The following RIMS1 variants were observed in gnomAD, a reference collection of about 807,000 sequenced individuals.
RIMS1 encodes regulating synaptic membrane exocytosis 1.
In RIMS1, 83 loss-of-function variants were observed where a neutral mutation model predicts 214.1. That is an observed-to-expected ratio of 0.39 (90% CI 0.32 to 0.47). RIMS1 has a LOEUF of 0.47. RIMS1 is among the 20% of genes least tolerant of loss of function. The pLI, the probability that RIMS1 is intolerant of heterozygous loss-of-function variation, is 0.99. For synonymous variants in RIMS1, 793 were observed against 786.8 expected, an observed-to-expected ratio of 1.01 and a Z score of -0.13; for missense variants, 2,050 against 2,161.8, an observed-to-expected ratio of 0.95 and a Z score of 1.03.
At chr6:72,066,056 G>T (rs1829221315) in intron 2 of RIMS1, among the ~76,000 whole-genome samples, 1 of 152,008 alleles carries the variant, frequency 6.6e-6, no homozygotes, top group Admixed American at 6.6e-5. Context: ...AGGGGTAGTT[G>T]TATATATGCA....
intron 1 of RIMS1, among the ~76,000 whole-genome samples, chr6:71,964,830 G>A (rs1401040951): frequency 6.6e-6 from 1 of 152,112 alleles, no homozygotes; most frequent in Non-Finnish European, 1.5e-5. Flanking sequence ...CATGTATTTG[G>A]GGTACTTTAT....
intron 24 of RIMS1, among the ~76,000 whole-genome samples, chr6:72,285,100 A>G (rs2154229279): frequency 6.6e-6 from 1 of 152,244 alleles, no homozygotes; most frequent in South Asian, 2.1e-4. Context: ...AATTGGAGAA[A>G]TTCTGAGAGG....
rs747035590 is a variant in RIMS1, at chr6:72,284,121, AGGCTT to A, written c.3554+6_3554+10del. The A allele has an allele frequency of 2.5e-6, 4 of 1,612,282 alleles. No homozygotes were observed. In the East Asian group the frequency reaches 8.9e-5, roughly 36 times the overall value. The stretch of plus-strand genomic sequence containing the variant: ...GGCACTGCCTCTGATGCAGAAAGGT[AGGCTT>A]GGTGTTGTGGTGTGCTGACATCTTC... On this transcript the variant is annotated splice_donor_5th_base_variant and intron_variant, in intron 24 of 33. Coordinates refer to ENST00000521978, the MANE Select transcript of RIMS1 (RefSeq NM_014989.7).
intron 2 of RIMS1, among the ~76,000 whole-genome samples, chr6:72,080,300 G>A (rs995792149): frequency 2.0e-5 from 3 of 151,840 alleles, no homozygotes; most frequent in African/African-American, 7.3e-5. Flanking sequence ...GTACATAACA[G>A]TCATGAACAT....
intron 1 of RIMS1, among the ~76,000 whole-genome samples, chr6:71,903,586 T>G (rs1582193512): frequency 6.6e-6 from 1 of 152,086 alleles, no homozygotes; most frequent in Non-Finnish European, 1.5e-5. Flanking sequence ...ATGGGAGGAA[T>G]TTTTTGCAAC....
intron 1 of RIMS1, among the ~76,000 whole-genome samples, chr6:71,965,726 G>C (rs752924600): frequency 6.6e-6 from 1 of 151,962 alleles, no homozygotes; most frequent in Non-Finnish European, 1.5e-5. Flanking sequence ...GAAGACTGTC[G>C]AAGAGCCCCA....
At chr6:72,053,169 A>G (rs1255403502) in intron 2 of RIMS1, among the ~76,000 whole-genome samples, 2 of 152,190 alleles carry the variant, frequency 1.3e-5, no homozygotes, top group Admixed American at 6.6e-5. Flanking sequence ...AAGTGTCCCC[A>G]GTCCCTATGT....
At chr6:71,907,873 A>T (rs972280248) in intron 1 of RIMS1, among the ~76,000 whole-genome samples, 4 of 152,194 alleles carry the variant, frequency 2.6e-5, no homozygotes, top group Non-Finnish European at 5.9e-5. Context: ...CTAAAAGATA[A>T]AATCCTACCA....
intron 6 of RIMS1, among the ~76,000 whole-genome samples, chr6:72,207,925 G>C (rs1183498952): frequency 6.6e-6 from 1 of 152,146 alleles, no homozygotes; most frequent in Non-Finnish European, 1.5e-5. Context: ...AATTAGATCT[G>C]TAAGTATGTG....
chr6:71,918,130 C>T (rs1778968640), intron 1 of RIMS1, among the ~76,000 whole-genome samples: 1 of 151,850 alleles, frequency 6.6e-6, no homozygotes, highest in East Asian at 1.9e-4. Context: ...TTTAGGAAGC[C>T]ACGGAACTTG....
intron 29 of RIMS1, among the ~76,000 whole-genome samples, chr6:72,367,525 G>A (rs960855585): frequency 5.3e-5 from 8 of 152,112 alleles, no homozygotes; most frequent in African/African-American, 1.9e-4. Context: ...TTCAAAAATA[G>A]ATTTATTTTG....
intron 28 of RIMS1, among the ~76,000 whole-genome samples, chr6:72,323,602 A>C (rs992407160): frequency 6.6e-6 from 1 of 151,914 alleles, no homozygotes; most frequent in African/African-American, 2.4e-5. Flanking sequence ...ATGATGAAAA[A>C]TTCTAATGTA....
intron 1 of RIMS1, among the ~76,000 whole-genome samples, chr6:71,936,349 A>G (rs1046543059): frequency 2.0e-5 from 3 of 150,330 alleles, no homozygotes; most frequent in African/African-American, 4.9e-5. Context: ...AAAAAAAAAA[A>G]AAAGAAAAGA....
intron 1 of RIMS1, among the ~76,000 whole-genome samples, chr6:71,908,183 A>G (rs537215979): frequency 2.0e-5 from 3 of 152,266 alleles, no homozygotes; most frequent in African/African-American, 7.2e-5. Context: ...GGAAGAATTG[A>G]TGGCTAACTT....
chr6:72,100,067 G>A (rs2033151296), intron 4 of RIMS1, 81 bp downstream of exon 4: 1 of 1,075,376 alleles, frequency 9.3e-7, no homozygotes, highest in Middle Eastern at 2.3e-4. Flanking sequence ...ACCTAGTATT[G>A]TTAATAACTA....
intron 1 of RIMS1, among the ~76,000 whole-genome samples, chr6:71,904,561 C>G (rs1163915196): frequency 6.6e-6 from 1 of 152,020 alleles, no homozygotes; most frequent in African/African-American, 2.4e-5. Context: ...GGAGTAAGAC[C>G]CCAGCCTCGC....
At chr6:72,361,287 G>A (rs1355829427) in intron 29 of RIMS1, among the ~76,000 whole-genome samples, 4 of 151,198 alleles carry the variant, frequency 2.6e-5, no homozygotes, top group African/African-American at 9.7e-5. Flanking sequence ...TGTATTTTTA[G>A]TAGAGACGGG....
At chr6:72,134,609 C>A (rs556978899) in intron 4 of RIMS1, among the ~76,000 whole-genome samples, 1 of 151,896 alleles carries the variant, frequency 6.6e-6, no homozygotes, top group East Asian at 1.9e-4. Context: ...TTCATAGAGG[C>A]AATAATATTC....
At chr6:71,975,811 G>T (rs928906365) in intron 2 of RIMS1, among the ~76,000 whole-genome samples, 26 of 151,920 alleles carry the variant, frequency 1.7e-4, no homozygotes, top group African/African-American at 6.3e-4. Context: ...TCCTATAAAT[G>T]GAATCATATT....
Sources: allele counts gnomAD v4.1 joint callset (sites outside exome capture counted in the v4.1 genomes callset), GRCh38; gene constraint gnomAD v4.1.1; transcripts MANE v1.5; gene names NCBI Gene and HGNC (gene_info 2026-07-23, HGNC 2026-07-21).